Variants in NF1 observed in about 807,000 individuals in gnomAD.
The protein encoded by NF1 is neurofibromin.
A neutral mutation model predicts 325.7 loss-of-function variants in NF1; 122 were observed. The ratio of observed to expected loss-of-function variants is 0.37; its 90% CI spans 0.32 to 0.44. The LOEUF (loss-of-function observed/expected upper bound fraction) is 0.44, where lower values mean the gene tolerates loss of function less well. NF1 is among the 20% of genes least tolerant of loss of function. The pLI is 1.00. For missense variants in NF1, 2,140 were observed against 3,415.4 expected, an observed-to-expected ratio of 0.63 and a Z score of 9.31; for synonymous variants, 1,091 against 1,186.0, an observed-to-expected ratio of 0.92 and a Z score of 1.65.
chr17:31,324,091 G>A (rs1047635805), intron 36 of NF1, among the ~76,000 whole-genome samples: 2 of 151,622 alleles, frequency 1.3e-5, no homozygotes, highest in Non-Finnish European at 2.9e-5. Context: ...TGTTTTTGTT[G>A]GAATCTCGCT....
chr17:31,362,676 G>C (rs543312374), intron 57 of NF1, among the ~76,000 whole-genome samples: 2 of 152,146 alleles, frequency 1.3e-5, no homozygotes, highest in Non-Finnish European at 2.9e-5. Context: ...GTTTTTAAAA[G>C]TCTGCTTCAT....
chr17:31,340,170 G>A (rs1165910876), intron 46 of NF1: 1 of 315,308 alleles, frequency 3.2e-6, no homozygotes, highest in Non-Finnish European at 6.0e-6. Flanking sequence ...AAAGAAGGTT[G>A]GCATGTGGTA....
chr17:31,375,526 A>T lies in NF1; in HGVS notation c.*1371A>T, dbSNP rs891903865. Reference sequence around the variant, plus strand: ...ATTTGACTTCAGTGAGCATATTGGTATCTGGATGTTCCAATTTAGAACTAA... The same window carrying T: ...ATTTGACTTCAGTGAGCATATTGGTTTCTGGATGTTCCAATTTAGAACTAA... On this transcript the variant is annotated 3_prime_UTR_variant, in exon 58 of 58. Transcript: ENST00000358273. 3.9e-5 allele frequency: 9 copies of T among 231,700 alleles called. No homozygotes were observed. The highest frequency in any genetic ancestry group is 2.0e-4 in the African/African-American group (9 of 45,254). 14.4% of individuals were successfully genotyped at this position (231,700 alleles called of 1,614,324 possible).
chr17:31,356,173 ATTTACCTCCAGTGTAGTTTGG>A (rs2070265624), intron 51 of NF1: 15 of 335,402 alleles, frequency 4.5e-5, no homozygotes, highest in South Asian at 2.8e-4. Context: ...ATATTTGTTG[ATTTACCTCCAGTGTAGTTTGG>A]TTTACCTCCA....
At position 31,318,440 on chromosome 17, in the gene NF1, C is replaced by G. The variant is rs758271623; in HGVS notation, c.4836-7380C>G. Reference sequence around the variant, plus strand: ...TTTGTTCTTTTCCAAGTGTCTGATTCAGCGGGCCATAGACCGCTTGCCAGA... The same window carrying G: ...TTTGTTCTTTTCCAAGTGTCTGATTGAGCGGGCCATAGACCGCTTGCCAGA... On this transcript the variant is annotated intron_variant, in intron 36 of 57. Transcript: ENST00000358273. 4.3e-6 allele frequency: 7 copies of G among 1,613,964 alleles called. No homozygotes were observed. In the South Asian group the frequency reaches 7.7e-5, roughly 18 times the overall value.
chr17:31,197,204 C>G (rs1428634471), intron 8 of NF1, among the ~76,000 whole-genome samples: 1 of 151,906 alleles, frequency 6.6e-6, no homozygotes, highest in African/African-American at 2.4e-5. Flanking sequence ...GCCACCATGC[C>G]CAGCTAATTT....
Position 31,163,262 on chromosome 17 carries a change from A to T in NF1, c.365A>T (p.His122Leu), listed in dbSNP as rs2143671754. 1 of 1,614,168 alleles carries T rather than the reference A, an allele frequency of 6.2e-7. No individual in the cohort carries two copies. Among genetic ancestry groups the T allele is most frequent in the Non-Finnish European group, 8.5e-7 (1 of 1,180,022 alleles). The change falls in exon 4 of 58, where the codon CAC becomes CTC. Residue 122 changes from histidine (H) to leucine (L), a missense_variant. Physicochemically the swap from His to Leu is moderately conservative, Grantham distance 99. Around this residue, in one of 10 missense-constraint regions of NF1, gnomAD observed 246 missense variants for 347.8 expected, o/e 0.71. Coordinates refer to ENST00000358273, the MANE Select transcript of NF1 (RefSeq NM_001042492.3). Reference sequence around the variant, plus strand: ...CTGCCAGAAATCTGCCATTTTCTTCACACCTGTCGTGAAGGAAACCAGCAT... The same window carrying T: ...CTGCCAGAAATCTGCCATTTTCTTCTCACCTGTCGTGAAGGAAACCAGCAT... ...QLLPEICHFL[H>L]TCREGNQHAA...
intron 12 of NF1, among the ~76,000 whole-genome samples, chr17:31,209,420 AATT>A (rs1354980322): frequency 6.6e-6 from 1 of 152,182 alleles, no homozygotes; most frequent in Non-Finnish European, 1.5e-5. Context: ...GGAAGGAGCT[AATT>A]ATTTGAAAAT....
At chr17:31,283,955 T>G (rs756916402) in intron 36 of NF1, among the ~76,000 whole-genome samples, 4 of 152,234 alleles carry the variant, frequency 2.6e-5, no homozygotes, top group African/African-American at 4.8e-5. Flanking sequence ...ATTACTTGGG[T>G]GTTAGTGGTA....
At chr17:31,222,755 T>A (rs1435726039) in intron 15 of NF1, 1 of 179,808 alleles carries the variant, frequency 5.6e-6, no homozygotes, top group East Asian at 1.3e-4. Flanking sequence ...TAATAAAGTC[T>A]TCAAACTTTG....
intron 1 of NF1, among the ~76,000 whole-genome samples, chr17:31,118,061 G>GTTGTGT (rs1914106427): frequency 6.6e-6 from 1 of 151,420 alleles, no homozygotes; most frequent in African/African-American, 2.4e-5. Flanking sequence ...ATACATGGTT[G>GTTGTGT]TTTTTTAAAC....
At chr17:31,331,937 A>AAAAAAAAAT (rs2069505769) in intron 39 of NF1, 1 of 146,916 alleles carries the variant, frequency 6.8e-6, no homozygotes, top group African/African-American at 2.6e-5. Flanking sequence ...AAAAAAAAAA[A>AAAAAAAAAT]AAGTTGTATA....
intron 38 of NF1, among the ~76,000 whole-genome samples, chr17:31,329,127 T>C (rs1221009907): frequency 6.6e-6 from 1 of 152,146 alleles, no homozygotes; most frequent in East Asian, 1.9e-4. Context: ...TGTCTGTGAA[T>C]AGCCAATGCA....
At chr17:31,122,950 TC>T (rs1226403295) in intron 1 of NF1, among the ~76,000 whole-genome samples, 1 of 152,184 alleles carries the variant, frequency 6.6e-6, no homozygotes. Context: ...AATGAAATTC[TC>T]CTTCATTCAG....
chr17:31,324,532 TTCTA>T (rs1232148795), intron 36 of NF1, among the ~76,000 whole-genome samples: 13 of 152,188 alleles, frequency 8.5e-5, no homozygotes, highest in Non-Finnish European at 1.5e-4. Flanking sequence ...AACTTGTTCC[TTCTA>T]TCTAATTCTA....
Position 31,229,011 on chromosome 17 carries a change from A to G in NF1, c.2410-14A>G, listed in dbSNP as rs773710071. 1 of 1,588,102 alleles carries G rather than the reference A, an allele frequency of 6.3e-7. No homozygotes were observed. The highest frequency in any genetic ancestry group is 8.6e-7 in the Non-Finnish European group (1 of 1,163,274). On this transcript the variant is annotated splice_polypyrimidine_tract_variant and intron_variant, in intron 20 of 57. Transcript: ENST00000358273. ...AGGTTTAATTCATGCTTTGCACAAAAATTTTGTGTTTAGGCTGCTGAAAGC... is the reference window on the plus strand; with the variant it reads ...AGGTTTAATTCATGCTTTGCACAAAGATTTTGTGTTTAGGCTGCTGAAAGC...
At chr17:31,304,465 T>G (rs1269516952) in intron 36 of NF1, 1 of 1,614,032 alleles carries the variant, frequency 6.2e-7, no homozygotes, top group African/African-American at 1.3e-5. Flanking sequence ...TCCACAGTCT[T>G]GATTGAGACA....
intron 1 of NF1, among the ~76,000 whole-genome samples, chr17:31,143,312 G>C (rs1184598828): frequency 2.0e-5 from 3 of 151,866 alleles, no homozygotes; most frequent in Non-Finnish European, 4.4e-5. Context: ...TATCACCCAA[G>C]CTGGAGTGCT....
intron 1 of NF1, among the ~76,000 whole-genome samples, chr17:31,124,234 T>A (rs1259144400): frequency 6.6e-6 from 1 of 152,070 alleles, no homozygotes; most frequent in Non-Finnish European, 1.5e-5. Flanking sequence ...TTTTTATTTT[T>A]AATTTTTTTT....
Sources: gnomAD v4.1 joint callset for allele counts (sites outside exome capture counted in the v4.1 genomes callset) on GRCh38, gnomAD v4.1.1 for gene constraint, gnomAD v4.1.1 regional missense constraint, MANE v1.5 for transcripts, NCBI Gene and HGNC (gene_info 2026-07-23, HGNC 2026-07-21) for gene names.